The following RBFOX1 variants were observed in gnomAD, a reference collection of about 807,000 sequenced individuals.
RBFOX1 encodes RNA binding protein fox-1 homolog 1.
In RBFOX1, 8 loss-of-function variants were observed where a neutral mutation model predicts 57.7. That is an observed-to-expected ratio of 0.14 (90% CI 0.08 to 0.25). RBFOX1 has a LOEUF of 0.25. RBFOX1 is among the 10% of genes least tolerant of loss of function. The probability of loss-of-function intolerance (pLI) is 1.00; values close to 1 mark genes in which losing one functional copy is unlikely to be tolerated. For synonymous variants in RBFOX1, 326 were observed against 222.4 expected (o/e 1.47, Z -4.15); for missense variants, 611 against 548.5 (o/e 1.11, Z -1.14).
chr16:6,779,939 ATATATATT>A (rs1567210464), intron 3 of RBFOX1, among the ~76,000 whole-genome samples: 95 of 7,434 alleles, frequency 0.013, 21 homozygotes, highest in African/African-American at 0.042. Flanking sequence ...ATATATATTT[ATATATATT>A]TATATATTTA....
intron 4 of RBFOX1, among the ~76,000 whole-genome samples, chr16:7,465,598 C>T (rs568535902): frequency 6.6e-6 from 1 of 152,204 alleles, no homozygotes; most frequent in Non-Finnish European, 1.5e-5. Flanking sequence ...GGTAATACTT[C>T]ACTAGCTTCC....
At chr16:7,190,037 T>A (rs2058521081) in intron 4 of RBFOX1, among the ~76,000 whole-genome samples, 1 of 152,212 alleles carries the variant, frequency 6.6e-6, no homozygotes, top group Non-Finnish European at 1.5e-5. Context: ...AACCATGATT[T>A]ACTGGCAGGG....
intron 4 of RBFOX1, among the ~76,000 whole-genome samples, chr16:5,983,700 A>G (rs2060219856): frequency 6.6e-6 from 1 of 152,150 alleles, no homozygotes; most frequent in African/African-American, 2.4e-5. Context: ...CCCACACCCA[A>G]GAGAGCATCG....
At chr16:5,818,144 C>T (rs1049792195) in intron 3 of RBFOX1, among the ~76,000 whole-genome samples, 6 of 152,182 alleles carry the variant, frequency 3.9e-5, no homozygotes, top group African/African-American at 1.4e-4. Flanking sequence ...TCATCACCAT[C>T]CTTAGCATTG....
At chr16:7,056,659 A>G (rs1435966147) in intron 4 of RBFOX1, among the ~76,000 whole-genome samples, 1 of 152,142 alleles carries the variant, frequency 6.6e-6, no homozygotes, top group Non-Finnish European at 1.5e-5. Flanking sequence ...AGGGTGGGAG[A>G]TTCCAAAGCC....
intron 1 of RBFOX1, among the ~76,000 whole-genome samples, chr16:6,135,563 T>C (rs990932748): frequency 2.0e-5 from 3 of 152,066 alleles, no homozygotes; most frequent in Non-Finnish European, 2.9e-5. Context: ...GATATTTGAA[T>C]GAAAACATTG....
At chr16:5,842,536 G>A (rs1376300864) in intron 3 of RBFOX1, among the ~76,000 whole-genome samples, 1 of 152,156 alleles carries the variant, frequency 6.6e-6, no homozygotes, top group South Asian at 2.1e-4. Flanking sequence ...GTTCATTCAT[G>A]TATTCATTCA....
intron 2 of RBFOX1, among the ~76,000 whole-genome samples, chr16:6,375,790 A>T (rs1278807034): frequency 6.6e-6 from 1 of 152,152 alleles, no homozygotes. Flanking sequence ...CACAAAGGGT[A>T]TCCATGATGA....
chr16:6,563,123 C>T (rs2097206723), intron 2 of RBFOX1, among the ~76,000 whole-genome samples: 1 of 152,000 alleles, frequency 6.6e-6, no homozygotes, highest in South Asian at 2.1e-4. Context: ...AAGTGCAATG[C>T]CTGGTGCAAA....
chr16:7,419,089 C>G (rs925768167), intron 4 of RBFOX1, among the ~76,000 whole-genome samples: 1 of 151,944 alleles, frequency 6.6e-6, no homozygotes, highest in African/African-American at 2.4e-5. Flanking sequence ...TGTATTTTTA[C>G]TAGAGACAGG....
At chr16:6,170,161 A>G (rs976917334) in intron 1 of RBFOX1, among the ~76,000 whole-genome samples, 3 of 152,130 alleles carry the variant, frequency 2.0e-5, no homozygotes, top group Non-Finnish European at 4.4e-5. Flanking sequence ...GCTGAATTAT[A>G]TGTGTGAGGC....
At chr16:6,364,114 A>G (rs1050574255) in intron 2 of RBFOX1, among the ~76,000 whole-genome samples, 7 of 152,180 alleles carry the variant, frequency 4.6e-5, no homozygotes, top group African/African-American at 1.7e-4. Context: ...TTGGATCCTT[A>G]TGCCACAACG....
rs1599814521 is a variant in RBFOX1, at chr16:6,559,117, GT to G, written c.-63-95485del. Among the ~76,000 whole-genome samples, 3 of 128,892 alleles carry G rather than the reference GT, an allele frequency of 2.3e-5. No individual in the cohort carries two copies. The South Asian group carries it at 6.6e-4, about 28-fold the overall frequency. 84.6% of individuals were successfully genotyped at this position (128,892 alleles called of 152,430 possible). A position where few individuals can be genotyped will look rare whatever the true frequency, so the allele number is the denominator to read the frequency against. On this transcript the variant is annotated intron_variant, in intron 2 of 15. Transcript: ENST00000550418. ...CTCCAGTTTATATATACATATGTGT[GT>G]GTGTGTGTGTGTGTGTATATACATA...
intron 3 of RBFOX1, among the ~76,000 whole-genome samples, chr16:5,724,036 T>G (rs2052037905): frequency 6.6e-6 from 1 of 152,160 alleles, no homozygotes; most frequent in African/African-American, 2.4e-5. Flanking sequence ...CATTTGTGTG[T>G]CCGTGTGTGT....
At chr16:6,517,461 C>G (rs983083471) in intron 2 of RBFOX1, among the ~76,000 whole-genome samples, 1 of 152,080 alleles carries the variant, frequency 6.6e-6, no homozygotes, top group Non-Finnish European at 1.5e-5. Flanking sequence ...CAGAGAATTC[C>G]CATTTCTGAT....
At chr16:7,451,189 C>T (rs755742875) in intron 4 of RBFOX1, among the ~76,000 whole-genome samples, 14 of 152,062 alleles carry the variant, frequency 9.2e-5, no homozygotes, top group Non-Finnish European at 1.6e-4. Context: ...TGAGGGACAT[C>T]GGATTTCTAT....
At chr16:5,627,011 A>C (rs921975760) in intron 3 of RBFOX1, among the ~76,000 whole-genome samples, 1 of 152,212 alleles carries the variant, frequency 6.6e-6, no homozygotes, top group Non-Finnish European at 1.5e-5. Flanking sequence ...ATAATGATCT[A>C]ACTCACTTTT....
At chr16:5,993,068 C>T (rs537601900) in intron 4 of RBFOX1, among the ~76,000 whole-genome samples, 2 of 152,290 alleles carry the variant, frequency 1.3e-5, no homozygotes, top group East Asian at 1.9e-4. Flanking sequence ...TACCCACAGG[C>T]CCTCTCAAAT....
chr16:7,337,931 C>A (rs1034638369), intron 4 of RBFOX1, among the ~76,000 whole-genome samples: 1 of 152,230 alleles, frequency 6.6e-6, no homozygotes, highest in Non-Finnish European at 1.5e-5. Context: ...GATCTGCCCG[C>A]CTTGGCCTCC....
Sources: gnomAD v4.1 joint callset for allele counts (sites outside exome capture counted in the v4.1 genomes callset) on GRCh38, gnomAD v4.1.1 for gene constraint, MANE v1.5 for transcripts, NCBI Gene and HGNC (gene_info 2026-07-23, HGNC 2026-07-21) for gene names.